FAM178B: variants seen among roughly 807,000 people sequenced by gnomAD.
FAM178B encodes the protein family with sequence similarity 178 member B.
In FAM178B, 82 loss-of-function variants were observed where a neutral mutation model predicts 91.7. The observed-to-expected ratio is 0.89, with a 90% confidence interval of 0.75 to 1.07. The LOEUF (loss-of-function observed/expected upper bound fraction) is 1.07, where lower values mean the gene tolerates loss of function less well. Ranked by LOEUF, FAM178B falls within the 50% of genes least tolerant of loss-of-function variation. The pLI, the probability that FAM178B is intolerant of heterozygous loss-of-function variation, is 0.00. For missense variants in FAM178B, 769 were observed against 846.7 expected, an observed-to-expected ratio of 0.91 and a Z score of 1.14; for synonymous variants, 368 against 359.4, an observed-to-expected ratio of 1.02 and a Z score of -0.27.
intron 8 of FAM178B, among the ~76,000 whole-genome samples, chr2:96,940,241 G>A (rs916887246): frequency 3.9e-5 from 6 of 152,186 alleles, no homozygotes; most frequent in Admixed American, 6.5e-5. Context: ...GCATGAGAAC[G>A]GTATGGGGTC....
intron 3 of FAM178B, among the ~76,000 whole-genome samples, chr2:96,971,637 G>C (rs2082219376): frequency 1.3e-5 from 2 of 152,292 alleles, no homozygotes; most frequent in South Asian, 4.1e-4. Context: ...GGGGCCCCAT[G>C]AAGTGGCATC....
At chr2:96,879,673 G>T (rs922348046) in intron 14 of FAM178B, among the ~76,000 whole-genome samples, 1 of 152,264 alleles carries the variant, frequency 6.6e-6, no homozygotes, top group Non-Finnish European at 1.5e-5. Flanking sequence ...TAAGGCCCAC[G>T]GGTGGTCTGA....
chr2:96,878,614 C>T, intron 14 of FAM178B, 121 bp from the exon 15 acceptor site: 1 of 855,792 alleles, frequency 1.2e-6, no homozygotes, highest in Non-Finnish European at 1.9e-6. Context: ...TCAGTCACCC[C>T]TAGGCTTTCA....
At position 96,918,334 on chromosome 2, in the gene FAM178B, A is replaced by G. The variant is rs565681014; in HGVS notation, c.1562+2831T>C. Among the ~76,000 whole-genome samples the G allele has an allele frequency of 1.1e-3, 161 of 152,344 alleles. 1 individual carries two copies. Among genetic ancestry groups the G allele is most frequent in the Non-Finnish European group, 1.6e-3 (106 of 68,034 alleles). On this transcript the variant is annotated intron_variant, in intron 12 of 16. Transcript: ENST00000490605. ...ATAAGAAGATAAATTAACTGATAGG[A>G]AAGTGGGTAAGAAATACCAAAAGGT...
chr2:96,888,483 C>T (rs537188715), intron 14 of FAM178B, among the ~76,000 whole-genome samples: 83 of 152,346 alleles, frequency 5.4e-4, no homozygotes, highest in African/African-American at 1.9e-3. Flanking sequence ...TGTCCCATTG[C>T]TGGAGTTGAG....
Position 96,921,143 on chromosome 2 carries a change from G to A in FAM178B, c.1562+22C>T, listed in dbSNP as rs753897352. The A allele has an allele frequency of 7.1e-6, 11 of 1,540,350 alleles. No individual in the cohort carries two copies. The South Asian group carries it at 9.5e-5, about 13-fold the overall frequency. On this transcript the variant is annotated intron_variant, in intron 12 of 16. Coordinates refer to ENST00000490605, the MANE Select transcript of FAM178B (RefSeq NM_001122646.3). ...AAGAGATGCGTGTGAGAGGGAGGAG[G>A]CAGCGGGGGAGCAGCACGCACCTGC...
intron 6 of FAM178B, among the ~76,000 whole-genome samples, chr2:96,955,992 C>T (rs1015899948): frequency 1.3e-5 from 2 of 152,228 alleles, no homozygotes; most frequent in East Asian, 3.8e-4. Flanking sequence ...CGGCCTGGCC[C>T]ATGCATCGGG....
Position 96,972,153 on chromosome 2 carries a change from T to G in FAM178B, c.312A>C (p.Glu104Asp), listed in dbSNP as rs979003335. The change falls in exon 3 of 17, where the codon GAA becomes GAC. Residue 104 changes from glutamate to aspartate, a missense_variant. Transcript: ENST00000490605. The stretch of plus-strand genomic sequence containing the variant: ...GGGGGCTCCAGTCAGTGGGAAACGT[T>G]TCCCCAGGTGCCTGTATCTTGGGCT... ...PKKPKIQAPG[E>D]TFPTDWSPPP... The G allele has an allele frequency of 2.6e-6, 4 of 1,542,216 alleles. No homozygotes were observed. In the East Asian group the frequency reaches 9.8e-5, roughly 38 times the overall value.
intron 7 of FAM178B, chr2:96,949,881 A>G (rs1278669424): frequency 1.5e-6 from 1 of 687,324 alleles, no homozygotes; most frequent in East Asian, 1.3e-4. Context: ...ACATGGGCCC[A>G]TCAGGCCTGG....
chr2:96,928,973 G>A (rs1361047873), intron 9 of FAM178B, among the ~76,000 whole-genome samples: 1 of 135,678 alleles, frequency 7.4e-6, no homozygotes, highest in Non-Finnish European at 1.5e-5. Context: ...AACGTAGGGA[G>A]ACCCCCCCCC....
chr2:96,981,747 A>AAAAAG (rs1553511881), intron 1 of FAM178B, among the ~76,000 whole-genome samples: 7 of 123,370 alleles, frequency 5.7e-5, no homozygotes, highest in African/African-American at 1.5e-4. Flanking sequence ...TCTCAAAAAA[A>AAAAAG]AAAAAAAAAA....
In FAM178B at chr2:96,960,441, C is replaced by G. The variant is rs747105004; in HGVS notation, c.735-1G>C. On this transcript the variant is annotated splice_acceptor_variant, in intron 5 of 16. Coordinates refer to ENST00000490605, the MANE Select transcript of FAM178B (RefSeq NM_001122646.3). LOFTEE classifies it high-confidence loss of function. ...CACTGAGTACTTTTCCACCAGCATC[C>G]TGGCAAGGCAAGGGGCAGGAGGGCC... 9 of 1,538,898 alleles carry G rather than the reference C, an allele frequency of 5.8e-6. No individual in the cohort carries two copies. Among genetic ancestry groups the G allele is most frequent in the African/African-American group, 1.4e-5 (1 of 72,842 alleles).
At chr2:96,889,879 C>T (rs555209975) in intron 14 of FAM178B, among the ~76,000 whole-genome samples, 1 of 151,718 alleles carries the variant, frequency 6.6e-6, no homozygotes, top group East Asian at 1.9e-4. Flanking sequence ...TGGCTCATGC[C>T]TGTAATCCCA....
chr2:96,884,428 C>G (rs1170525629), intron 14 of FAM178B, among the ~76,000 whole-genome samples: 1 of 152,192 alleles, frequency 6.6e-6, no homozygotes, highest in Non-Finnish European at 1.5e-5. Flanking sequence ...AGGCTGCTCC[C>G]CCAGGGTGGA....
intron 6 of FAM178B, among the ~76,000 whole-genome samples, chr2:96,959,234 T>G (rs2082046888): frequency 6.9e-6 from 1 of 144,176 alleles, no homozygotes; most frequent in Non-Finnish European, 1.5e-5. Context: ...AAAGTAATCC[T>G]GCAATAATGG....
At position 96,897,387 on chromosome 2, in the gene FAM178B, T is replaced by C. The variant is rs188103300; in HGVS notation, c.1651-3336A>G. Among the ~76,000 whole-genome samples, 842 of 152,274 alleles carry C rather than the reference T, an allele frequency of 5.5e-3. 8 individuals carry two copies. The highest frequency in any genetic ancestry group is 0.019 in the African/African-American group (777 of 41,538). On this transcript the variant is annotated intron_variant, in intron 13 of 16. Coordinates refer to ENST00000490605, the MANE Select transcript of FAM178B (RefSeq NM_001122646.3). Reference sequence around the variant, plus strand: ...TTTTCTGAGTAGATGCAAACCTTTATCCCCGATTTGAGCCACCCGAAGCCC... The same window carrying C: ...TTTTCTGAGTAGATGCAAACCTTTACCCCCGATTTGAGCCACCCGAAGCCC...
intron 14 of FAM178B, among the ~76,000 whole-genome samples, chr2:96,879,013 A>C (rs1282113546): frequency 6.6e-6 from 1 of 152,212 alleles, no homozygotes; most frequent in Non-Finnish European, 1.5e-5. Flanking sequence ...TGCCAACTGC[A>C]CACTCTCAGC....
At chr2:96,913,654 T>C (rs1489515657) in intron 12 of FAM178B, among the ~76,000 whole-genome samples, 1 of 152,182 alleles carries the variant, frequency 6.6e-6, no homozygotes, top group Admixed American at 6.5e-5. Context: ...CATCAGTCAG[T>C]TCCTCCTTGG....
chr2:96,890,593 G>A (rs574353587), intron 14 of FAM178B, among the ~76,000 whole-genome samples: 1 of 152,322 alleles, frequency 6.6e-6, no homozygotes, highest in African/African-American at 2.4e-5. Context: ...ACTGCCCCAA[G>A]AAGACCCTGG....
Sources: gnomAD v4.1 joint callset for allele counts (sites outside exome capture counted in the v4.1 genomes callset) on GRCh38, gnomAD v4.1.1 for gene constraint, MANE v1.5 for transcripts, NCBI Gene and HGNC (gene_info 2026-07-23, HGNC 2026-07-21) for gene names.